NME7: variants seen among roughly 807,000 people sequenced by gnomAD.
NME7 encodes nucleoside diphosphate kinase 7.
In NME7, 41 loss-of-function variants were observed where a neutral mutation model predicts 49.1. The observed-to-expected ratio is 0.83, with a 90% CI of 0.65 to 1.08. The LOEUF (loss-of-function observed/expected upper bound fraction) is 1.08. Ranked by LOEUF, NME7 falls within the 50% of genes least tolerant of loss-of-function variation. The probability of loss-of-function intolerance (pLI) is 0.00; values close to 1 mark genes in which losing one functional copy is unlikely to be tolerated. For missense variants in NME7, 423 were observed against 463.4 expected (o/e 0.91, Z 0.80); for synonymous variants, 139 against 150.6 (o/e 0.92, Z 0.56).
chr1:169,237,626 C>T lies in NME7; in HGVS notation c.816G>A (p.Gln272=). The change falls in exon 8 of 12, where the codon CAG becomes CAA. Residue 272 remains glutamine (Q), a synonymous_variant. Coordinates refer to ENST00000367811, the MANE Select transcript of NME7 (RefSeq NM_013330.5). ...TGGTTCATTGTAAACTACCTACCATCTGCATAGCTGAGATTTCAAAACCTG... is the reference window on the plus strand; with the variant it reads ...TGGTTCATTGTAAACTACCTACCATTTGCATAGCTGAGATTTCAAAACCTG... ...RDAGFEISAM[Q]MFNMDRVNVE... The T allele has an allele frequency of 6.2e-7, 1 of 1,607,800 alleles. No individual in the cohort carries two copies. Among genetic ancestry groups the T allele is most frequent in the Non-Finnish European group, 8.5e-7 (1 of 1,175,376 alleles).
At chr1:169,148,382 C>T (rs1658820167) in intron 11 of NME7, among the ~76,000 whole-genome samples, 1 of 152,168 alleles carries the variant, frequency 6.6e-6, no homozygotes, top group Non-Finnish European at 1.5e-5. Flanking sequence ...CTAATATTTT[C>T]CTGTTAGACT....
intron 1 of NME7, among the ~76,000 whole-genome samples, chr1:169,337,243 C>T (rs1331548169): frequency 1.3e-5 from 2 of 152,226 alleles, no homozygotes; most frequent in Admixed American, 6.5e-5. Flanking sequence ...CTAAGGCACG[C>T]GGTGAGAAAT....
chr1:169,262,343 T>C (rs1649190788), intron 7 of NME7, among the ~76,000 whole-genome samples: 1 of 134,592 alleles, frequency 7.4e-6, no homozygotes, highest in South Asian at 2.3e-4. Context: ...CATCAATTGA[T>C]AACCCACAGA....
At chr1:169,137,756 G>C (rs964508709) in intron 11 of NME7, among the ~76,000 whole-genome samples, 30 of 152,292 alleles carry the variant, frequency 2.0e-4, no homozygotes, top group African/African-American at 7.2e-4. Flanking sequence ...GAGGAAAGGA[G>C]TGGTAACTGA....
intron 10 of NME7, among the ~76,000 whole-genome samples, chr1:169,178,874 G>A (rs1659845529): frequency 6.8e-6 from 1 of 146,944 alleles, no homozygotes; most frequent in African/African-American, 2.5e-5. Context: ...AGGCTGGAGT[G>A]CAGTGGCACA....
chr1:169,193,460 A>T lies in NME7; in HGVS notation c.991-23906T>A, dbSNP rs149893230. Among the ~76,000 whole-genome samples, 162 of 152,258 alleles carry T rather than the reference A, an allele frequency of 1.1e-3. 1 individual carries two copies. Among genetic ancestry groups the T allele is most frequent in the African/African-American group, 3.9e-3 (160 of 41,558 alleles). On this transcript the variant is annotated intron_variant, in intron 10 of 11. Transcript: ENST00000367811. ...GTCAGTGGCTTTTACTTATTGATGG[A>T]TTTGTAAGGTGGCAGGCTCTTTCAT...
intron 11 of NME7, among the ~76,000 whole-genome samples, chr1:169,142,678 A>G (rs760380118): frequency 6.6e-6 from 1 of 152,202 alleles, no homozygotes; most frequent in Non-Finnish European, 1.5e-5. Flanking sequence ...TTTGGGCAAC[A>G]CATTCCTCAA....
intron 10 of NME7, among the ~76,000 whole-genome samples, chr1:169,198,545 T>C (rs1050609202): frequency 6.6e-6 from 1 of 152,090 alleles, no homozygotes; most frequent in Non-Finnish European, 1.5e-5. Flanking sequence ...AATAAAGTAC[T>C]GAATGCATGA....
At chr1:169,344,828 C>T (rs1652901919) in intron 1 of NME7, among the ~76,000 whole-genome samples, 1 of 152,074 alleles carries the variant, frequency 6.6e-6, no homozygotes, top group Admixed American at 6.6e-5. Flanking sequence ...GCAATGTCTT[C>T]ATCTGGCTTG....
At chr1:169,363,564 C>A (rs1356614083) in intron 1 of NME7, among the ~76,000 whole-genome samples, 1 of 152,146 alleles carries the variant, frequency 6.6e-6, no homozygotes, top group Non-Finnish European at 1.5e-5. Context: ...CTCTGCCTAC[C>A]TCCCTAACCA....
At chr1:169,328,534 T>C (rs191540949) in intron 1 of NME7, among the ~76,000 whole-genome samples, 2 of 152,240 alleles carry the variant, frequency 1.3e-5, no homozygotes, top group Admixed American at 1.3e-4. Flanking sequence ...AGGTAAATAG[T>C]TTTTTAAAGG....
At chr1:169,323,759 AT>A (rs1456056263) in intron 2 of NME7, among the ~76,000 whole-genome samples, 1 of 149,758 alleles carries the variant, frequency 6.7e-6, no homozygotes, top group Non-Finnish European at 1.5e-5. Context: ...ATGAGGACGT[AT>A]TTATGACCAT....
At chr1:169,207,643 A>G (rs1221624992) in intron 10 of NME7, among the ~76,000 whole-genome samples, 1 of 152,148 alleles carries the variant, frequency 6.6e-6, no homozygotes, top group Non-Finnish European at 1.5e-5. Context: ...TAACTAGAAA[A>G]TAGTCTGAAA....
rs567392226 is a variant in NME7 at position 169,289,984 on chromosome 1, C to T, written c.649-2576G>A. On this transcript the variant is annotated intron_variant, in intron 6 of 11. Transcript: ENST00000367811. ...TCCTGCTATTACTCTTGGCCTTTTACATTTTCCTAAATTCCCTAGTAGGAA... is the reference window on the plus strand; with the variant it reads ...TCCTGCTATTACTCTTGGCCTTTTATATTTTCCTAAATTCCCTAGTAGGAA... 4.6e-5 allele frequency among the ~76,000 whole-genome samples: 7 copies of T among 152,118 alleles called. No individual in the cohort carries two copies. In the East Asian group the frequency reaches 1.4e-3, roughly 29 times the overall value.
At chr1:169,229,287 C>T (rs1647491283) in intron 10 of NME7, among the ~76,000 whole-genome samples, 1 of 152,182 alleles carries the variant, frequency 6.6e-6, no homozygotes, top group Non-Finnish European at 1.5e-5. Context: ...AGAAAATATT[C>T]TTGCTGTATA....
At chr1:169,348,794 T>A (rs979359992) in intron 1 of NME7, among the ~76,000 whole-genome samples, 3 of 152,008 alleles carry the variant, frequency 2.0e-5, no homozygotes, top group African/African-American at 7.2e-5. Flanking sequence ...GAATTATGAA[T>A]TCCTGAAAAA....
chr1:169,184,894 T>C (rs898021025), intron 10 of NME7, among the ~76,000 whole-genome samples: 7 of 152,172 alleles, frequency 4.6e-5, no homozygotes, highest in South Asian at 2.1e-4. Flanking sequence ...AGGCAGAGCA[T>C]AGAATTGGAA....
intron 11 of NME7, among the ~76,000 whole-genome samples, chr1:169,139,266 C>T (rs1301629651): frequency 2.0e-5 from 3 of 152,246 alleles, no homozygotes; most frequent in Middle Eastern, 3.4e-3. Flanking sequence ...TTGCTACATA[C>T]CAAATGCTTT....
At chr1:169,280,161 G>A (rs187811144) in intron 7 of NME7, among the ~76,000 whole-genome samples, 3 of 152,258 alleles carry the variant, frequency 2.0e-5, no homozygotes, top group East Asian at 3.9e-4. Flanking sequence ...CAATCTAACT[G>A]GTGTAAGATG....
Sources: gnomAD v4.1 joint callset for allele counts (sites outside exome capture counted in the v4.1 genomes callset) on GRCh38, gnomAD v4.1.1 for gene constraint, MANE v1.5 for transcripts, NCBI Gene and HGNC (gene_info 2026-07-23, HGNC 2026-07-21) for gene names.